The following USP34 variants were observed in gnomAD, a reference collection of about 807,000 sequenced individuals.
USP34 encodes the protein ubiquitin carboxyl-terminal hydrolase 34.
A neutral mutation model predicts 460.3 loss-of-function variants in USP34; 70 were observed. The ratio of observed to expected loss-of-function variants is 0.15; its 90% confidence interval spans 0.13 to 0.19. The LOEUF is 0.19. Ranked by LOEUF, USP34 falls within the 10% of genes least tolerant of loss-of-function variation. The pLI, the probability that USP34 is intolerant of heterozygous loss-of-function variation, is 1.00. For missense variants in USP34, 3,985 were observed against 4,236.2 expected (o/e 0.94, Z 1.65); for synonymous variants, 1,647 against 1,405.3 (o/e 1.17, Z -3.85).
At position 61,241,750 on chromosome 2, in the gene USP34, TG is replaced by T. The variant is rs1558485681; in HGVS notation, c.6681+15del. ...AGAAAAAACAATATAAAATTATACA[TG>T]AAAAAAATGGTTACCTTTTCAAAAG... On this transcript the variant is annotated intron_variant, in intron 52 of 79. Transcript: ENST00000398571. 2.0e-6 allele frequency: 3 copies of T among 1,500,596 alleles called. No individual in the cohort carries two copies. Among genetic ancestry groups the T allele is most frequent in the Non-Finnish European group, 9.0e-7 (1 of 1,106,316 alleles). 93.0% of individuals were successfully genotyped at this position (1,500,596 alleles called of 1,614,324 possible).
chr2:61,459,022 C>T (rs1032566444), intron 1 of USP34, among the ~76,000 whole-genome samples: 4 of 151,978 alleles, frequency 2.6e-5, no homozygotes, highest in Non-Finnish European at 4.4e-5. Flanking sequence ...GCCGAGACTG[C>T]GCCACTGCAA....
intron 1 of USP34, among the ~76,000 whole-genome samples, chr2:61,460,159 C>A (rs1442245928): frequency 6.6e-6 from 1 of 152,188 alleles, no homozygotes; most frequent in Non-Finnish European, 1.5e-5. Flanking sequence ...AATAGTCTCC[C>A]TTATTATCTT....
At chr2:61,254,010 C>T (rs1360687433) in intron 48 of USP34, among the ~76,000 whole-genome samples, 1 of 152,246 alleles carries the variant, frequency 6.6e-6, no homozygotes, top group Non-Finnish European at 1.5e-5. Context: ...ACTGGGATTA[C>T]AGGCATGTGC....
At chr2:61,325,480 A>AG in intron 20 of USP34, 23 bp from the exon 21 acceptor site, 1 of 1,405,872 alleles carries the variant, frequency 7.1e-7, no homozygotes, top group Non-Finnish European at 9.5e-7. Flanking sequence ...AGTCATTAAA[A>AG]TAATTAAATA....
chr2:61,365,807 T>C (rs974432531), intron 10 of USP34, among the ~76,000 whole-genome samples: 1 of 152,168 alleles, frequency 6.6e-6, no homozygotes, highest in Non-Finnish European at 1.5e-5. Flanking sequence ...GAGAAAATTG[T>C]TGAATTTCAT....
intron 10 of USP34, among the ~76,000 whole-genome samples, chr2:61,357,841 T>A (rs1692152202): frequency 6.6e-6 from 1 of 152,090 alleles, no homozygotes; most frequent in South Asian, 2.1e-4. Context: ...AGGTTAAGAT[T>A]ACAACACTGC....
chr2:61,311,936 A>G, intron 25 of USP34, 26 bp from the exon 26 acceptor site: 1 of 1,607,694 alleles, frequency 6.2e-7, no homozygotes, highest in South Asian at 1.1e-5. Context: ...AACAACACAT[A>G]GAAAGGATAC....
At chr2:61,451,765 A>C (rs1695284973) in intron 1 of USP34, among the ~76,000 whole-genome samples, 1 of 152,186 alleles carries the variant, frequency 6.6e-6, no homozygotes, top group Admixed American at 6.6e-5. Flanking sequence ...AATTTGCTAA[A>C]ATCACTAAGT....
chr2:61,295,141 T>C, intron 31 of USP34, 27 bp downstream of exon 31: 1 of 1,600,872 alleles, frequency 6.2e-7, no homozygotes. Flanking sequence ...TACAAACATT[T>C]AATGATAATA....
In USP34 at chr2:61,281,165, A is replaced by T; in HGVS notation, c.5076T>A (p.Asn1692Lys). 1 of 1,614,036 alleles carries T rather than the reference A, an allele frequency of 6.2e-7. No individual in the cohort carries two copies. Among genetic ancestry groups the T allele is most frequent in the Non-Finnish European group, 8.5e-7 (1 of 1,179,948 alleles). ...AGGCAGCCAATAGCAGAAAAGAACG[A>T]TTGATTGAGTCTCCTCCATCCAGCC... ...LSGLDGGDSI[N>K]RSFLLLAAST... Residue 1692 changes from asparagine (N) to lysine (K), a missense_variant, in exon 38 of 80, where the codon AAT becomes AAA. This residue lies in a region of USP34 where 1,114 missense variants were observed against 1,122.5 expected (regional missense o/e 0.99). Transcript: ENST00000398571.
chr2:61,383,627 C>T (rs571213406), intron 5 of USP34, among the ~76,000 whole-genome samples: 154 of 151,772 alleles, frequency 1.0e-3, no homozygotes, highest in Middle Eastern at 6.9e-3. Flanking sequence ...CGCTTGAACC[C>T]CCACCCCCGG....
chr2:61,294,699 C>T (rs1340206442), intron 32 of USP34, among the ~76,000 whole-genome samples: 1 of 152,086 alleles, frequency 6.6e-6, no homozygotes, highest in East Asian at 1.9e-4. Context: ...GGATCACAGG[C>T]GTGAGCCACC....
chr2:61,210,873 A>C (rs1478869120), intron 69 of USP34, among the ~76,000 whole-genome samples: 1 of 151,986 alleles, frequency 6.6e-6, no homozygotes, highest in East Asian at 1.9e-4. Flanking sequence ...GTCACACCCT[A>C]ATTTATTTGC....
At chr2:61,265,588 C>G (rs767622753) in intron 42 of USP34, 31 bp from the exon 43 acceptor site, 3 of 1,569,852 alleles carry the variant, frequency 1.9e-6, no homozygotes, top group Non-Finnish European at 2.6e-6. Context: ...AAAAGATCCC[C>G]CCCAAACAAA....
intron 65 of USP34, among the ~76,000 whole-genome samples, chr2:61,222,244 C>G (rs757985899): frequency 1.3e-5 from 2 of 152,170 alleles, no homozygotes; most frequent in African/African-American, 2.4e-5. Flanking sequence ...TTCCATTTTA[C>G]AAAAATACTT....
intron 15 of USP34, 108 bp from the exon 16 acceptor site, chr2:61,344,137 G>A (rs888960731): frequency 2.6e-5 from 25 of 963,490 alleles, no homozygotes; most frequent in Non-Finnish European, 3.5e-5. Flanking sequence ...GAAACAAACC[G>A]ACATCTGCTT....
Position 61,245,316 on chromosome 2 carries a change from A to C in USP34, c.6549-28T>G, listed in dbSNP as rs187236837. ...AAAATAGAGCATATAGTATTAATCTAGTATGCATATAATGAGTATCTTCAT... is the reference window on the plus strand; with the variant it reads ...AAAATAGAGCATATAGTATTAATCTCGTATGCATATAATGAGTATCTTCAT... On this transcript the variant is annotated intron_variant, in intron 50 of 79. Coordinates refer to ENST00000398571, the MANE Select transcript of USP34 (RefSeq NM_014709.4). 52 of 1,342,936 alleles carry C rather than the reference A, an allele frequency of 3.9e-5. No homozygotes were observed. The African/African-American group carries it at 6.7e-4, about 17-fold the overall frequency. 83.2% of individuals were successfully genotyped at this position (1,342,936 alleles called of 1,614,324 possible).
intron 27 of USP34, among the ~76,000 whole-genome samples, chr2:61,306,944 A>T (rs1453048785): frequency 6.6e-6 from 1 of 152,128 alleles, no homozygotes; most frequent in East Asian, 1.9e-4. Flanking sequence ...ATACCATTTG[A>T]CCCAGCCATC....
chr2:61,435,844 T>A (rs202149577), intron 1 of USP34, among the ~76,000 whole-genome samples: 3 of 151,710 alleles, frequency 2.0e-5, no homozygotes, highest in African/African-American at 7.3e-5. Context: ...GCCTGGCCAA[T>A]ATAGTAAAAC....
Sources: gnomAD v4.1 joint callset for allele counts (sites outside exome capture counted in the v4.1 genomes callset) on GRCh38, gnomAD v4.1.1 for gene constraint, gnomAD v4.1.1 regional missense constraint, MANE v1.5 for transcripts, NCBI Gene and HGNC (gene_info 2026-07-23, HGNC 2026-07-21) for gene names.